PAFAH1B1: variants seen among roughly 807,000 people sequenced by gnomAD.
The protein encoded by PAFAH1B1 is platelet activating factor acetylhydrolase 1b regulatory subunit 1, also known as platelet-activating factor acetylhydrolase IB subunit beta.
A neutral mutation model predicts 57.5 loss-of-function variants in PAFAH1B1; 2 were observed. The observed-to-expected ratio is 0.03, with a 90% CI of 0.01 to 0.11. The LOEUF (loss-of-function observed/expected upper bound fraction) is 0.11. PAFAH1B1 is among the 10% of genes least tolerant of loss of function. The pLI is 1.00. For missense variants in PAFAH1B1, 257 were observed against 512.0 expected (o/e 0.50, Z 4.81); for synonymous variants, 152 against 169.6 (o/e 0.90, Z 0.81).
chr17:2,624,372 C>G (rs891688938), intron 1 of PAFAH1B1, among the ~76,000 whole-genome samples: 1 of 152,164 alleles, frequency 6.6e-6, no homozygotes, highest in African/African-American at 2.4e-5. Context: ...TCTACTGTTA[C>G]CAGTTTACTG....
rs962191740 is a variant in PAFAH1B1, at chr17:2,600,294, T to C, written c.-191+6288T>C. Among the ~76,000 whole-genome samples, 4 of 151,816 alleles carry C rather than the reference T, an allele frequency of 2.6e-5. No homozygotes were observed. In the East Asian group the frequency reaches 7.7e-4, roughly 29 times the overall value. On this transcript the variant is annotated intron_variant, in intron 1 of 10. Coordinates refer to ENST00000397195, the MANE Select transcript of PAFAH1B1 (RefSeq NM_000430.4). The stretch of plus-strand genomic sequence containing the variant: ...AAGATAGAAGAGTTTGTTTTATGGG[T>C]TGGGCACTGTGGTTCATGCCTGTAA...
At chr17:2,597,228 A>G (rs925758837) in intron 1 of PAFAH1B1, among the ~76,000 whole-genome samples, 2 of 152,086 alleles carry the variant, frequency 1.3e-5, no homozygotes, top group African/African-American at 2.4e-5. Flanking sequence ...AATTTTTAAA[A>G]TTATTCATAG....
In PAFAH1B1 at chr17:2,670,186, T is replaced by C; in HGVS notation, c.423T>C (p.Asp141=). ...TIKVWDYETG[D]FERTLKGHTD... ...AGGTGTGGGATTATGAGACTGGAGA[T>C]TTTGAACGAACTCTTAAAGGACATA... Residue 141 remains aspartate (D), a synonymous_variant, in exon 6 of 11, where the codon GAT becomes GAC. Transcript: ENST00000397195. 1 of 1,614,080 alleles carries C rather than the reference T, an allele frequency of 6.2e-7. No homozygotes were observed. The highest frequency in any genetic ancestry group is 1.1e-5 in the South Asian group (1 of 91,084).
chr17:2,676,458 C>A, intron 8 of PAFAH1B1, 47 bp from the exon 9 acceptor site: 1 of 1,175,262 alleles, frequency 8.5e-7, no homozygotes, highest in Non-Finnish European at 1.3e-6. Context: ...AAAGTCCATA[C>A]CTAACTTCTT....
intron 2 of PAFAH1B1, among the ~76,000 whole-genome samples, chr17:2,649,045 T>TA (rs1211312151): frequency 6.6e-6 from 1 of 151,766 alleles, no homozygotes; most frequent in Non-Finnish European, 1.5e-5. Flanking sequence ...AATCAACAAT[T>TA]ACAATTAATG....
chr17:2,664,663 TCG>T (rs771469012), intron 2 of PAFAH1B1, among the ~76,000 whole-genome samples: 5 of 108,276 alleles, frequency 4.6e-5, no homozygotes, highest in African/African-American at 3.5e-5. Flanking sequence ...TATCTATCTA[TCG>T]CTCTCTCTCT....
intron 9 of PAFAH1B1, chr17:2,679,656 G>A (rs1347671579): frequency 6.5e-6 from 1 of 155,026 alleles, no homozygotes; most frequent in Non-Finnish European, 1.4e-5. Context: ...ATGGATGGAT[G>A]GATGGATGGA....
intron 1 of PAFAH1B1, among the ~76,000 whole-genome samples, chr17:2,621,321 C>T (rs185474366): frequency 6.6e-6 from 1 of 152,254 alleles, no homozygotes; most frequent in East Asian, 1.9e-4. Flanking sequence ...TGAGAACATG[C>T]GCTATTTGGC....
At chr17:2,610,358 A>G (rs562752433) in intron 1 of PAFAH1B1, among the ~76,000 whole-genome samples, 1 of 152,330 alleles carries the variant, frequency 6.6e-6, no homozygotes, top group Admixed American at 6.5e-5. Flanking sequence ...TAGGCCAAAA[A>G]GGTTTATTAT....
At chr17:2,668,870 G>C (rs1435555297) in intron 5 of PAFAH1B1, among the ~76,000 whole-genome samples, 1 of 151,758 alleles carries the variant, frequency 6.6e-6, no homozygotes, top group Non-Finnish European at 1.5e-5. Context: ...CAGCTACTCG[G>C]GAGGCTGAGT....
At chr17:2,656,285 CTACTT>C (rs2068935426) in intron 2 of PAFAH1B1, among the ~76,000 whole-genome samples, 1 of 152,092 alleles carries the variant, frequency 6.6e-6, no homozygotes, top group African/African-American at 2.4e-5. Flanking sequence ...GACCCTATCT[CTACTT>C]TAAAAAAAAA....
chr17:2,654,141 T>A (rs764253696), intron 2 of PAFAH1B1, among the ~76,000 whole-genome samples: 1 of 151,718 alleles, frequency 6.6e-6, no homozygotes, highest in African/African-American at 2.4e-5. Flanking sequence ...CTATTTAATA[T>A]GCTGCTTCTA....
In PAFAH1B1 at chr17:2,684,953, TTAAAG is replaced by T. The variant is rs1222505929; in HGVS notation, c.*3152_*3156del. The stretch of plus-strand genomic sequence containing the variant: ...TTAAACTTAATTAAAGAAAAACTAT[TTAAAG>T]GTAAAGGATATTTTGTTGACATCGG... On this transcript the variant is annotated 3_prime_UTR_variant, in exon 11 of 11. Transcript: ENST00000397195. 3 of 152,074 alleles carry T rather than the reference TTAAAG, an allele frequency of 2.0e-5. No individual in the cohort carries two copies. The highest frequency in any genetic ancestry group is 7.2e-5 in the African/African-American group (3 of 41,406). 9.4% of individuals were successfully genotyped at this position (152,074 alleles called of 1,614,324 possible). A position where few individuals can be genotyped will look rare whatever the true frequency, so the allele number is the denominator to read the frequency against.
rs1342299684 is a variant in PAFAH1B1, at chr17:2,674,293, T to C, written c.900+5T>C. The stretch of plus-strand genomic sequence containing the variant: ...TCTGAAGCAACAGGATCTGAGGTAC[T>C]GTATATACAAATGTCTTCATGGTTT... On this transcript the variant is annotated splice_donor_5th_base_variant and intron_variant, in intron 8 of 10. Transcript: ENST00000397195. 1 of 1,594,778 alleles carries C rather than the reference T, an allele frequency of 6.3e-7. No individual in the cohort carries two copies. Among genetic ancestry groups the C allele is most frequent in the Admixed American group, 1.7e-5 (1 of 59,986 alleles).
At chr17:2,673,810 A>T (rs1484235791) in intron 7 of PAFAH1B1, 2 of 469,482 alleles carry the variant, frequency 4.3e-6, no homozygotes, top group Admixed American at 3.5e-5. Flanking sequence ...TTAAGTGTGC[A>T]TTTAGTTTTG....
At chr17:2,665,337 C>A (rs960333783) in intron 2 of PAFAH1B1, 35 bp from the exon 3 acceptor site, 2 of 1,203,450 alleles carry the variant, frequency 1.7e-6, no homozygotes, top group Non-Finnish European at 2.5e-6. Flanking sequence ...GAAATGAGGT[C>A]TTTTTTTTAG....
intron 1 of PAFAH1B1, among the ~76,000 whole-genome samples, chr17:2,595,897 G>A (rs1186785759): frequency 6.6e-6 from 1 of 152,100 alleles, no homozygotes; most frequent in Non-Finnish European, 1.5e-5. Context: ...TAATATTTGT[G>A]GATGCTGTGA....
chr17:2,628,743 T>C (rs1170938330), intron 1 of PAFAH1B1, among the ~76,000 whole-genome samples: 1 of 152,330 alleles, frequency 6.6e-6, no homozygotes, highest in Admixed American at 6.5e-5. Flanking sequence ...TGGTAATTTC[T>C]TAATTACCGT....
intron 1 of PAFAH1B1, among the ~76,000 whole-genome samples, chr17:2,614,280 A>AG (rs1567528579): frequency 1.3e-5 from 2 of 152,092 alleles, no homozygotes; most frequent in South Asian, 4.1e-4. Flanking sequence ...CTCATGCCTC[A>AG]GCCTCCCAAA....
Sources: allele counts gnomAD v4.1 joint callset (sites outside exome capture counted in the v4.1 genomes callset), GRCh38; gene constraint gnomAD v4.1.1; transcripts MANE v1.5; gene names NCBI Gene and HGNC (gene_info 2026-07-23, HGNC 2026-07-21).